Variants in ESRP1 observed in about 807,000 individuals in gnomAD.
The protein encoded by ESRP1 is epithelial splicing regulatory protein 1.
In ESRP1, 33 loss-of-function variants were observed where a neutral mutation model predicts 81.7. The observed-to-expected ratio is 0.40, with a 90% CI of 0.31 to 0.54. ESRP1 has a LOEUF of 0.54. ESRP1 is among the 20% of genes least tolerant of loss of function. The pLI, the probability that ESRP1 is intolerant of heterozygous loss-of-function variation, is 0.41. For missense variants in ESRP1, 672 were observed against 833.1 expected (o/e 0.81, Z 2.38); for synonymous variants, 320 against 303.3 (o/e 1.06, Z -0.57).
Position 94,664,781 on chromosome 8 carries a change from A to C in ESRP1, c.729A>C (p.Arg243Ser). The C allele has an allele frequency of 6.2e-7, 1 of 1,613,990 alleles. No homozygotes were observed. Among genetic ancestry groups the C allele is most frequent in the South Asian group, 1.1e-5 (1 of 91,078 alleles). The change falls in exon 7 of 16, where the codon AGA (arginine) becomes AGC (serine). Residue 243 changes from arginine to serine, a missense_variant. Coordinates refer to ENST00000433389, the MANE Select transcript of ESRP1 (RefSeq NM_017697.4). ...AGTCTTCAGATCAAGATATTGCAAGATTCTTCAAAGGACTCAATATTGCCA... is the reference window on the plus strand; with the variant it reads ...AGTCTTCAGATCAAGATATTGCAAGCTTCTTCAAAGGACTCAATATTGCCA... ...PWQSSDQDIA[R>S]FFKGLNIAKG...
chr8:94,689,765 A>G (rs1157910957), intron 13 of ESRP1, among the ~76,000 whole-genome samples: 1 of 144,476 alleles, frequency 6.9e-6, no homozygotes, highest in East Asian at 2.0e-4. Context: ...CTCGTGCCTC[A>G]GCCTCCCAAG....
intron 15 of ESRP1, among the ~76,000 whole-genome samples, chr8:94,703,099 AGATT>A (rs1381217890): frequency 1.5e-5 from 2 of 131,186 alleles, no homozygotes; most frequent in East Asian, 2.2e-4. Context: ...TCTCCTTCTG[AGATT>A]GATTGTTTTT....
chr8:94,690,168 A>G (rs1435985740), intron 13 of ESRP1, among the ~76,000 whole-genome samples: 1 of 147,182 alleles, frequency 6.8e-6, no homozygotes, highest in Non-Finnish European at 1.5e-5. Context: ...TAGAGACAGG[A>G]TTTCACTGTG....
intron 4 of ESRP1, among the ~76,000 whole-genome samples, chr8:94,648,046 T>C (rs1817931608): frequency 6.6e-6 from 1 of 152,132 alleles, no homozygotes; most frequent in African/African-American, 2.4e-5. Flanking sequence ...AAAGGAAGTA[T>C]ATTAAGGATT....
chr8:94,661,665 C>A (rs1470513368), intron 4 of ESRP1, among the ~76,000 whole-genome samples: 1 of 152,152 alleles, frequency 6.6e-6, no homozygotes, highest in African/African-American at 2.4e-5. Flanking sequence ...GCACATTGGC[C>A]TGTGTTGGCT....
At chr8:94,678,508 T>A in intron 13 of ESRP1, 137 bp downstream of exon 13, 1 of 994,342 alleles carries the variant, frequency 1.0e-6, no homozygotes, top group Non-Finnish European at 1.4e-6. Context: ...GTCATATCTC[T>A]GACCAAGAAG....
In ESRP1 at chr8:94,674,390, A is replaced by G. The variant is rs201335580; in HGVS notation, c.1535A>G (p.Asn512Ser). ...FMAAQKCHKKNMKDRYVEVFQ... is the reference protein window; with the variant it reads ...FMAAQKCHKKSMKDRYVEVFQ... ...GCTGCACAGAAGTGTCATAAAAAAA[A>G]CATGAAGGACAGATATGTTGAAGTC... Residue 512 changes from asparagine to serine, a missense_variant, in exon 12 of 16, where the codon AAC (asparagine) becomes AGC (serine). Transcript: ENST00000433389. 6.2e-7 allele frequency: 1 copy of G among 1,614,026 alleles called. No individual in the cohort carries two copies. The highest frequency in any genetic ancestry group is 1.7e-5 in the Admixed American group (1 of 60,022).
At chr8:94,662,444 CCTA>C (rs1463634253) in intron 5 of ESRP1, 54 bp from the exon 6 acceptor site, 125 of 1,556,492 alleles carry the variant, frequency 8.0e-5, no homozygotes, top group Non-Finnish European at 1.0e-4. Context: ...CAAATTTCCT[CCTA>C]CAACTTTGTC....
intron 11 of ESRP1, 72 bp downstream of exon 11, chr8:94,671,743 AT>A (rs1222073110): frequency 1.0e-6 from 1 of 1,000,046 alleles, no homozygotes; most frequent in East Asian, 2.7e-5. Flanking sequence ...AATATTAGAT[AT>A]TAGATAATCT....
intron 13 of ESRP1, 95 bp downstream of exon 13, chr8:94,678,466 T>C: frequency 7.0e-7 from 1 of 1,437,480 alleles, no homozygotes; most frequent in Non-Finnish European, 9.4e-7. Flanking sequence ...GTCTGCCATG[T>C]TGAAGGTTAG....
Position 94,662,529 on chromosome 8 carries a change from G to T in ESRP1, c.618G>T (p.Val206=). 1 of 1,608,718 alleles carries T rather than the reference G, an allele frequency of 6.2e-7. No homozygotes were observed. Among genetic ancestry groups the T allele is most frequent in the Non-Finnish European group, 8.5e-7 (1 of 1,177,522 alleles). The part of the protein sequence containing the change: ...YNHRFSDPER[V]NYKFESGTCS... ...ACAGGTTTTCAGATCCAGAGAGAGT[G>T]AATTACAAGTTTGAAAGTGGAACTT... Residue 206 remains valine (V), a synonymous_variant, in exon 6 of 16, where the codon GTG becomes GTT. Coordinates refer to ENST00000433389, the MANE Select transcript of ESRP1 (RefSeq NM_017697.4).
At position 94,643,056 on chromosome 8, in the gene ESRP1, A is replaced by G. The variant is rs10103239; in HGVS notation, c.262-247A>G. On this transcript the variant is annotated intron_variant, in intron 2 of 15. Transcript: ENST00000433389. ...AGTCTTGAATGAATTTTTTTTGTAA[A>G]AACAGAAGGGAGAATGCATTGACAA... is the stretch of plus-strand genomic sequence containing the variant. 0.017 allele frequency among the ~76,000 whole-genome samples: 2,525 copies of G among 152,236 alleles called. 30 individuals carry two copies. The highest frequency in any genetic ancestry group is 0.023 in the Non-Finnish European group (1,572 of 68,004).
chr8:94,706,066 T>C lies in ESRP1; in HGVS notation c.*177T>C. 9.4e-7 allele frequency: 1 copy of C among 1,067,808 alleles called. No homozygotes were observed. The highest frequency in any genetic ancestry group is 1.3e-6 in the Non-Finnish European group (1 of 757,446). 66.1% of individuals were successfully genotyped at this position (1,067,808 alleles called of 1,614,324 possible). ...AACGGGCCTGTGCCTTATCTTTTGG[T>C]GGAGTGAAAAAATTTGAGCTAGTGA... On this transcript the variant is annotated 3_prime_UTR_variant, in exon 16 of 16. Transcript: ENST00000433389.
intron 4 of ESRP1, chr8:94,649,456 G>A (rs1433441677): frequency 6.6e-6 from 1 of 151,902 alleles, no homozygotes; most frequent in East Asian, 1.9e-4. Flanking sequence ...TCAGCCTCTT[G>A]AGAAGTTTGG....
intron 4 of ESRP1, among the ~76,000 whole-genome samples, chr8:94,652,387 T>C (rs1361289425): frequency 2.0e-5 from 3 of 152,146 alleles, no homozygotes; most frequent in Non-Finnish European, 2.9e-5. Flanking sequence ...AGACCTCATC[T>C]AGCAGGTAAA....
intron 13 of ESRP1, among the ~76,000 whole-genome samples, chr8:94,690,509 G>C (rs62523454): frequency 1.3e-5 from 2 of 151,856 alleles, no homozygotes; most frequent in Middle Eastern, 3.2e-3. Context: ...TTTTTCTTAC[G>C]ATTCCTTGTA....
At chr8:94,685,558 T>A (rs1809104043) in intron 13 of ESRP1, among the ~76,000 whole-genome samples, 1 of 151,850 alleles carries the variant, frequency 6.6e-6, no homozygotes, top group South Asian at 2.1e-4. Flanking sequence ...TCCCAGCACT[T>A]TGGGAGGCTG....
Position 94,664,730 on chromosome 8 carries a change from A to C in ESRP1, c.678A>C (p.Val226=). The C allele has an allele frequency of 6.2e-7, 1 of 1,613,964 alleles. No individual in the cohort carries two copies. The highest frequency in any genetic ancestry group is 8.5e-7 in the Non-Finnish European group (1 of 1,179,846). The change falls in exon 7 of 16, where the codon GTA becomes GTC. Residue 226 remains valine, a synonymous_variant. Transcript: ENST00000433389. ...SKMELIDDNT[V]VRARGLPWQS... ...TGGAACTTATTGATGATAACACCGTAGTCAGGGCACGAGGTTTACCATGGC... is the reference window on the plus strand; with the variant it reads ...TGGAACTTATTGATGATAACACCGTCGTCAGGGCACGAGGTTTACCATGGC...
At chr8:94,641,522 G>C in intron 1 of ESRP1, 72 bp downstream of exon 1, 1 of 1,590,954 alleles carries the variant, frequency 6.3e-7, no homozygotes, top group Admixed American at 1.7e-5. Context: ...TGGGCGGGGA[G>C]GGGGGTGGAG....
Sources: allele counts gnomAD v4.1 joint callset (sites outside exome capture counted in the v4.1 genomes callset), GRCh38; gene constraint gnomAD v4.1.1; transcripts MANE v1.5; gene names NCBI Gene and HGNC (gene_info 2026-07-23, HGNC 2026-07-21).